The following RGS3 variants were observed in gnomAD, a reference collection of about 807,000 sequenced individuals.
RGS3 encodes the protein regulator of G-protein signalling 3.
RGS3 carries 80 observed loss-of-function variants against 132.6 expected under a neutral mutation model. The ratio of observed to expected loss-of-function variants is 0.60; its 90% CI spans 0.50 to 0.73. The LOEUF (loss-of-function observed/expected upper bound fraction) is 0.73, where lower values mean the gene tolerates loss of function less well. Ranked by LOEUF, RGS3 falls within the 30% of genes least tolerant of loss-of-function variation. The pLI, the probability that RGS3 is intolerant of heterozygous loss-of-function variation, is 0.00. For missense variants in RGS3, 1,382 were observed against 1,530.8 expected, an observed-to-expected ratio of 0.90 and a Z score of 1.62; for synonymous variants, 598 against 620.6, an observed-to-expected ratio of 0.96 and a Z score of 0.54.
chr9:113,595,575 C>G (rs371279565), intron 23 of RGS3, 24 bp from the exon 22 acceptor site: 1 of 1,609,984 alleles, frequency 6.2e-7, no homozygotes, highest in Non-Finnish European at 8.5e-7. Context: ...TTGCCTCTTA[C>G]CCCAGGATCC....
intron 9 of RGS3, 46 bp from the exon 8 acceptor site, chr9:113,497,979 T>A (rs1830740416): frequency 6.2e-7 from 1 of 1,607,106 alleles, no homozygotes; most frequent in African/African-American, 1.3e-5. Context: ...GAGGGGAGAC[T>A]TCTCTGCCAC....
At chr9:113,583,045 C>T (rs993783225) in intron 19 of RGS3, 6 of 232,132 alleles carry the variant, frequency 2.6e-5, no homozygotes, top group Non-Finnish European at 4.2e-5. Flanking sequence ...GCCTGGTTCT[C>T]CTTTATCCCC....
intron 7 of RGS3, among the ~76,000 whole-genome samples, chr9:113,490,649 A>G (rs1031926676): frequency 7.5e-5 from 11 of 145,754 alleles, no homozygotes; most frequent in African/African-American, 2.7e-4. Context: ...TGTTCAATAT[A>G]TAATATATTA....
chr9:113,511,122 G>T (rs866260006), intron 14 of RGS3, among the ~76,000 whole-genome samples: 2 of 152,228 alleles, frequency 1.3e-5, no homozygotes, highest in Non-Finnish European at 2.9e-5. Context: ...GCCCGGCTGT[G>T]GTTGGCATGT....
At chr9:113,464,183 G>A (rs536094357) in intron 3 of RGS3, among the ~76,000 whole-genome samples, 2 of 152,352 alleles carry the variant, frequency 1.3e-5, no homozygotes, top group South Asian at 2.1e-4. Flanking sequence ...TTGTCACCAC[G>A]GAGTTTCTCA....
At chr9:113,584,399 T>C in exon 20 of RGS3, 1 of 1,527,264 alleles carries the variant, frequency 6.5e-7, no homozygotes, top group Non-Finnish European at 8.7e-7. Context: ...ATGCACCACC[T>C]TTCCCTCTTC....
At chr9:113,594,879 C>T in intron 22 of RGS3, 40 bp from the exon 21 acceptor site, 1 of 1,595,872 alleles carries the variant, frequency 6.3e-7, no homozygotes, top group Non-Finnish European at 8.6e-7. Context: ...GTTCCCAAGC[C>T]TCTCAGTGCC....
chr9:113,517,548 A>G (rs1490898996), exon 16 of RGS3: 1 of 1,612,798 alleles, frequency 6.2e-7, no homozygotes, highest in Non-Finnish European at 8.5e-7. Context: ...CAGCCTCTAG[A>G]TCTCTGTAAT....
chr9:113,507,389 A>G lies in RGS3; in HGVS notation c.1188A>G (p.Thr396=). 1.2e-6 allele frequency: 2 copies of G among 1,613,848 alleles called. No individual in the cohort carries two copies. Among genetic ancestry groups the G allele is most frequent in the Non-Finnish European group, 1.7e-6 (2 of 1,180,026 alleles). ...TGCGGCGGGCCTCCTGCAAGTCGAC[A>G]CATGACCTCCAGTCACCCCCCAACA... Residue 396 remains threonine, a synonymous_variant, in exon 13 of 25, where the codon ACA becomes ACG. Transcript: ENST00000350696. This position sits in a 1 kb window ranked among gnomAD's most constrained non-coding sequence, Gnocchi z 5.0.
intron 1 of RGS3, among the ~76,000 whole-genome samples, chr9:113,449,295 C>T (rs539331304): frequency 1.6e-4 from 25 of 152,038 alleles, no homozygotes; most frequent in Non-Finnish European, 2.9e-4. Flanking sequence ...AACCAGAACC[C>T]GGAAACCAGA....
intron 19 of RGS3, among the ~76,000 whole-genome samples, chr9:113,545,728 A>AC (rs1298740190): frequency 1.8e-4 from 28 of 152,188 alleles, no homozygotes; most frequent in Non-Finnish European, 3.2e-4. Context: ...CCTGGTGGGC[A>AC]CTTACAAGAT....
At chr9:113,596,114 C>T (rs1448380934) in intron 24 of RGS3, among the ~76,000 whole-genome samples, 2 of 152,238 alleles carry the variant, frequency 1.3e-5, no homozygotes, top group Non-Finnish European at 2.9e-5. Context: ...CCAGGCGGAT[C>T]ACTTGAGGTC....
intron 14 of RGS3, 91 bp from the exon 13 acceptor site, chr9:113,514,367 C>T (rs956126871): frequency 3.7e-5 from 43 of 1,161,152 alleles, no homozygotes; most frequent in African/African-American, 1.5e-4. Context: ...TGGTTGTTGA[C>T]GGAATGAGTC....
intron 1 of RGS3, among the ~76,000 whole-genome samples, chr9:113,451,400 A>G (rs1343850942): frequency 6.6e-6 from 1 of 152,156 alleles, no homozygotes; most frequent in Non-Finnish European, 1.5e-5. Context: ...TGCTATGTCC[A>G]CTGGAAGGGC....
chr9:113,475,601 G>T (rs1829967460), intron 3 of RGS3, among the ~76,000 whole-genome samples: 1 of 151,998 alleles, frequency 6.6e-6, no homozygotes, highest in Admixed American at 6.6e-5. Context: ...GTAGAGAAGG[G>T]CTCTTGCTGT....
At position 113,506,382 on chromosome 9, in the gene RGS3, C is replaced by T. The variant is rs538380628; in HGVS notation, c.980-6C>T. Reference sequence around the variant, plus strand: ...GCCCCTGAATGGCTTTTCTTTGTCCCTGCAGGGGGTCCGGCGGAACGGGCA... The same window carrying T: ...GCCCCTGAATGGCTTTTCTTTGTCCTTGCAGGGGGTCCGGCGGAACGGGCA... On this transcript the variant is annotated splice_polypyrimidine_tract_variant and splice_region_variant and intron_variant, in intron 11 of 24. Transcript: ENST00000350696. This position sits in a 1 kb window ranked among gnomAD's most constrained non-coding sequence, Gnocchi z 4.7. The T allele has an allele frequency of 1.9e-5, 30 of 1,575,490 alleles. No individual in the cohort carries two copies. In the African/African-American group the frequency reaches 3.9e-4, roughly 20 times the overall value.
At chr9:113,526,516 A>G (rs372079262) in intron 17 of RGS3, among the ~76,000 whole-genome samples, 2 of 152,128 alleles carry the variant, frequency 1.3e-5, no homozygotes, top group African/African-American at 4.8e-5. Flanking sequence ...CACTTACTCA[A>G]TGTATGCCCT....
chr9:113,572,076 C>T (rs932988999), intron 19 of RGS3, among the ~76,000 whole-genome samples: 2 of 151,922 alleles, frequency 1.3e-5, no homozygotes, highest in African/African-American at 4.8e-5. Flanking sequence ...CTAGGCAGGA[C>T]GTACAGTGTG....
At chr9:113,563,047 C>T (rs898836605) in intron 19 of RGS3, among the ~76,000 whole-genome samples, 2 of 152,212 alleles carry the variant, frequency 1.3e-5, no homozygotes, top group African/African-American at 4.8e-5. Flanking sequence ...GCTCCTCCAG[C>T]CATGGGATGC....
Sources: gnomAD v4.1 joint callset for allele counts (sites outside exome capture counted in the v4.1 genomes callset) on GRCh38, gnomAD v4.1.1 for gene constraint, Gnocchi (gnomAD v3.1) non-coding constraint, MANE v1.5 for transcripts, NCBI Gene and HGNC (gene_info 2026-07-23, HGNC 2026-07-21) for gene names.